PTPRN2: variants seen among roughly 807,000 people sequenced by gnomAD.
PTPRN2 encodes the protein protein tyrosine phosphatase receptor type N2, also known as receptor-type tyrosine-protein phosphatase N2.
In PTPRN2, 74 loss-of-function variants were observed where a neutral mutation model predicts 118.8. The observed-to-expected ratio is 0.62, with a 90% CI of 0.52 to 0.76. The LOEUF (loss-of-function observed/expected upper bound fraction) is 0.76. Ranked by LOEUF, PTPRN2 falls within the 30% of genes least tolerant of loss-of-function variation. The pLI, the probability that PTPRN2 is intolerant of heterozygous loss-of-function variation, is 0.00. For synonymous variants in PTPRN2, 641 were observed against 608.0 expected (o/e 1.05, Z -0.80); for missense variants, 1,481 against 1,394.4 (o/e 1.06, Z -0.99).
At chr7:157,722,401 G>A (rs550363187) in intron 12 of PTPRN2, among the ~76,000 whole-genome samples, 1 of 152,252 alleles carries the variant, frequency 6.6e-6, no homozygotes, top group Non-Finnish European at 1.5e-5. Context: ...GCCAGGGGCA[G>A]GGCGGGGGTG....
intron 12 of PTPRN2, among the ~76,000 whole-genome samples, chr7:157,726,433 G>A (rs1310812366): frequency 1.3e-5 from 2 of 152,160 alleles, no homozygotes; most frequent in East Asian, 3.9e-4. Context: ...ATATCCACAC[G>A]CAGAGGAGTG....
At chr7:157,719,457 G>A (rs1202460445) in intron 12 of PTPRN2, among the ~76,000 whole-genome samples, 1 of 152,258 alleles carries the variant, frequency 6.6e-6, no homozygotes, top group Non-Finnish European at 1.5e-5. Context: ...CCTTCTGTGT[G>A]CTTACATGTC....
At chr7:158,150,492 A>C (rs1333358139) in intron 6 of PTPRN2, among the ~76,000 whole-genome samples, 1 of 152,130 alleles carries the variant, frequency 6.6e-6, no homozygotes, top group Non-Finnish European at 1.5e-5. Context: ...CCCTGCACTG[A>C]CCTTCACTGC....
At chr7:158,342,042 TGA>T (rs1353234434) in intron 2 of PTPRN2, among the ~76,000 whole-genome samples, 4 of 137,328 alleles carry the variant, frequency 2.9e-5, no homozygotes, top group East Asian at 2.2e-4. Flanking sequence ...CCATAAGAGC[TGA>T]CACCCGCAGA....
At position 157,677,381 on chromosome 7, in the gene PTPRN2, G is replaced by A. The variant is rs192853829; in HGVS notation, c.2001+5344C>T. On this transcript the variant is annotated intron_variant, in intron 13 of 22. Coordinates refer to ENST00000389418, the MANE Select transcript of PTPRN2 (RefSeq NM_002847.5). Reference sequence around the variant, plus strand: ...GGAGTGGCTTGCTGTACCCCAACGAGCAGCATGCTTCTGTTTTATGTTTAG... The same window carrying A: ...GGAGTGGCTTGCTGTACCCCAACGAACAGCATGCTTCTGTTTTATGTTTAG... Among the ~76,000 whole-genome samples, 39 of 152,218 alleles carry A rather than the reference G, an allele frequency of 2.6e-4. No homozygotes were observed. The East Asian group carries it at 7.3e-3, about 29-fold the overall frequency.
At chr7:158,392,882 T>G (rs1014310600) in intron 2 of PTPRN2, among the ~76,000 whole-genome samples, 2 of 152,144 alleles carry the variant, frequency 1.3e-5, no homozygotes, top group African/African-American at 4.8e-5. Context: ...GGTAGAATTT[T>G]AGAAATAACT....
At chr7:158,085,058 C>G (rs1813195566) in intron 10 of PTPRN2, among the ~76,000 whole-genome samples, 1 of 137,402 alleles carries the variant, frequency 7.3e-6, no homozygotes, top group South Asian at 2.5e-4. Context: ...CCCATCCACA[C>G]CCATGACGCC....
intron 15 of PTPRN2, among the ~76,000 whole-genome samples, chr7:157,620,412 G>C (rs1803088039): frequency 6.6e-6 from 1 of 152,202 alleles, no homozygotes; most frequent in African/African-American, 2.4e-5. Context: ...TTTTCTGGCA[G>C]TGATCCCTAG....
intron 1 of PTPRN2, among the ~76,000 whole-genome samples, chr7:158,538,726 G>T (rs1375561712): frequency 6.6e-5 from 10 of 152,276 alleles, no homozygotes; most frequent in African/African-American, 2.4e-4. Context: ...CATCCCAAAA[G>T]CAGGCGGCAC....
intron 12 of PTPRN2, among the ~76,000 whole-genome samples, chr7:157,840,203 G>T (rs1006167151): frequency 6.6e-5 from 10 of 150,456 alleles, no homozygotes; most frequent in African/African-American, 2.2e-4. Flanking sequence ...GTGACCGCGT[G>T]TGACTGTGTG....
intron 2 of PTPRN2, among the ~76,000 whole-genome samples, chr7:158,479,879 T>C (rs925272488): frequency 6.6e-6 from 1 of 152,244 alleles, no homozygotes; most frequent in African/African-American, 2.4e-5. Context: ...TCATCCTCGC[T>C]GCTGTGGGAG....
At chr7:157,657,222 T>C (rs867490888) in intron 13 of PTPRN2, among the ~76,000 whole-genome samples, 823 of 53,464 alleles carry the variant, frequency 0.015, 38 homozygotes, top group African/African-American at 0.064. Context: ...TACACACACA[T>C]ACGCCACACA....
chr7:158,557,488 G>A (rs1827120667), intron 1 of PTPRN2, among the ~76,000 whole-genome samples: 1 of 152,240 alleles, frequency 6.6e-6, no homozygotes, highest in South Asian at 2.1e-4. Flanking sequence ...CCACTCAGTC[G>A]CTTCTTGGCC....
intron 5 of PTPRN2, among the ~76,000 whole-genome samples, chr7:158,186,224 T>TG (rs1435582659): frequency 6.6e-6 from 1 of 152,226 alleles, no homozygotes; most frequent in African/African-American, 2.4e-5. Flanking sequence ...AAAGAAGCTG[T>TG]GGTCTCCTCT....
At chr7:158,207,686 G>C (rs181470055) in intron 3 of PTPRN2, among the ~76,000 whole-genome samples, 3 of 152,110 alleles carry the variant, frequency 2.0e-5, no homozygotes, top group Non-Finnish European at 4.4e-5. Flanking sequence ...ATACAAACAA[G>C]CCGAGATTTT....
At chr7:157,933,885 G>A (rs1251783633) in intron 11 of PTPRN2, among the ~76,000 whole-genome samples, 1 of 151,130 alleles carries the variant, frequency 6.6e-6, no homozygotes, top group Non-Finnish European at 1.5e-5. Flanking sequence ...AGTTTTAGTG[G>A]AGGGATGAGT....
At chr7:157,963,224 G>A (rs560622776) in intron 11 of PTPRN2, among the ~76,000 whole-genome samples, 26 of 152,338 alleles carry the variant, frequency 1.7e-4, no homozygotes, top group African/African-American at 5.8e-4. Flanking sequence ...TCCCTTCTGC[G>A]GCATCCTTTC....
At chr7:157,956,568 T>C (rs1317270663) in intron 11 of PTPRN2, among the ~76,000 whole-genome samples, 1 of 152,254 alleles carries the variant, frequency 6.6e-6, no homozygotes, top group Non-Finnish European at 1.5e-5. Flanking sequence ...ATTTCTTGCG[T>C]GGGCATCAGC....
intron 2 of PTPRN2, among the ~76,000 whole-genome samples, chr7:158,470,660 A>G (rs1819786726): frequency 1.3e-5 from 2 of 152,124 alleles, no homozygotes; most frequent in Non-Finnish European, 2.9e-5. Flanking sequence ...TCTCTACTGC[A>G]CTTGACCAGT....
Sources: allele counts gnomAD v4.1 joint callset (sites outside exome capture counted in the v4.1 genomes callset), GRCh38; gene constraint gnomAD v4.1.1; transcripts MANE v1.5; gene names NCBI Gene and HGNC (gene_info 2026-07-23, HGNC 2026-07-21).